JAM2: variants seen among roughly 807,000 people sequenced by gnomAD.
JAM2 encodes the protein junctional adhesion molecule B.
JAM2 carries 17 observed loss-of-function variants against 42.0 expected under a neutral mutation model. The ratio of observed to expected loss-of-function variants is 0.40; its 90% confidence interval spans 0.28 to 0.61. The LOEUF is 0.61. Among genes scored for constraint, JAM2 ranks in the 20% least tolerant of loss-of-function variants. The pLI is 0.37. For missense variants in JAM2, 319 were observed against 358.3 expected, an observed-to-expected ratio of 0.89 and a Z score of 0.89; for synonymous variants, 118 against 128.6, an observed-to-expected ratio of 0.92 and a Z score of 0.56.
intron 5 of JAM2, among the ~76,000 whole-genome samples, chr21:25,699,439 G>A (rs1457792198): frequency 6.6e-6 from 1 of 151,914 alleles, no homozygotes; most frequent in African/African-American, 2.4e-5. Flanking sequence ...TAAAAATTGC[G>A]CGGCCGGGCG....
At chr21:25,697,540 A>G (rs974080407) in intron 4 of JAM2, among the ~76,000 whole-genome samples, 1 of 152,182 alleles carries the variant, frequency 6.6e-6, no homozygotes, top group Non-Finnish European at 1.5e-5. Flanking sequence ...TACCTGGACC[A>G]GGTATTTTCT....
intron 2 of JAM2, among the ~76,000 whole-genome samples, chr21:25,686,307 GT>G (rs1432410035): frequency 6.6e-6 from 1 of 151,914 alleles, no homozygotes; most frequent in Non-Finnish European, 1.5e-5. Context: ...TAATTCTATT[GT>G]ATATGTGTCT....
intron 1 of JAM2, among the ~76,000 whole-genome samples, chr21:25,682,326 T>C (rs1297818411): frequency 1.3e-5 from 2 of 152,248 alleles, no homozygotes; most frequent in East Asian, 1.9e-4. Flanking sequence ...ATTAGAAAGT[T>C]ATATTGATAC....
At chr21:25,688,243 G>GGTGTGTGTGTGTGTGTGTGT (rs147927864) in intron 2 of JAM2, among the ~76,000 whole-genome samples, 1,757 of 149,780 alleles carry the variant, frequency 0.012, 29 homozygotes, top group East Asian at 0.061. Context: ...CACCAGGAGG[G>GGTGTGTGTGTGTGTGTGTGT]GTGTGTGTGT....
chr21:25,655,350 A>ATTTTTTTTTT lies in JAM2; in HGVS notation c.67+15474_67+15483dup, dbSNP rs751257378. On this transcript the variant is annotated intron_variant, in intron 1 of 9. Coordinates refer to ENST00000480456, the MANE Select transcript of JAM2 (RefSeq NM_021219.4). Reference sequence around the variant, plus strand: ...AACATGATAAATATACTGAAATTCTATTTTTTTTTTTTTTTTTTTTTGTCC... The same window carrying ATTTTTTTTTT: ...AACATGATAAATATACTGAAATTCTATTTTTTTTTTTTTTTTTTTTTTTTTTTTTTTGTCC... Among the ~76,000 whole-genome samples the ATTTTTTTTTT allele has an allele frequency of 1.3e-3, 135 of 100,118 alleles. 1 individual carries two copies. Among genetic ancestry groups the ATTTTTTTTTT allele is most frequent in the African/African-American group, 3.4e-3 (87 of 25,784 alleles). 65.7% of individuals were successfully genotyped at this position (100,118 alleles called of 152,430 possible).
chr21:25,649,567 G>A (rs2032713675), intron 1 of JAM2, among the ~76,000 whole-genome samples: 1 of 152,150 alleles, frequency 6.6e-6, no homozygotes, highest in South Asian at 2.1e-4. Flanking sequence ...AGATTTGGGT[G>A]GCGACACAAC....
intron 7 of JAM2, among the ~76,000 whole-genome samples, chr21:25,707,222 C>T (rs1407727307): frequency 6.6e-6 from 1 of 152,028 alleles, no homozygotes; most frequent in African/African-American, 2.4e-5. Flanking sequence ...TGGCTCATGC[C>T]TGTCATCCTA....
chr21:25,689,269 T>G (rs1227764311), intron 2 of JAM2, among the ~76,000 whole-genome samples: 1 of 152,188 alleles, frequency 6.6e-6, no homozygotes, highest in African/African-American at 2.4e-5. Context: ...TGGATAGGTA[T>G]TAATGTATTT....
chr21:25,714,105 G>A (rs2034434897), intron 9 of JAM2: 2 of 1,167,938 alleles, frequency 1.7e-6, no homozygotes, highest in Non-Finnish European at 2.2e-6. Flanking sequence ...GGATTTGTCT[G>A]CCTCTGCCTT....
intron 5 of JAM2, among the ~76,000 whole-genome samples, chr21:25,701,599 G>A (rs1238177468): frequency 2.0e-5 from 3 of 152,130 alleles, no homozygotes; most frequent in Non-Finnish European, 4.4e-5. Flanking sequence ...AGGAGCAAGG[G>A]CTGGCTTTTC....
Position 25,716,101 on chromosome 21 carries a change from A to C in JAM2, c.*1429A>C, listed in dbSNP as rs2123427287. On this transcript the variant is annotated 3_prime_UTR_variant, in exon 10 of 10. Transcript: ENST00000480456. ...TCCCCTCCGCCTCCCAGATTCAAGC[A>C]CTTCTCCTGCCTCAGCCTCCCAAGT... The C allele has an allele frequency of 6.7e-6, 1 of 148,994 alleles. No homozygotes were observed. The highest frequency in any genetic ancestry group is 2.1e-4 in the South Asian group (1 of 4,740). The allele number at this position is 148,994 out of a possible 1,614,324, so 9.2% of individuals were successfully genotyped here.
At chr21:25,674,020 C>T (rs947014699) in intron 1 of JAM2, among the ~76,000 whole-genome samples, 3 of 152,196 alleles carry the variant, frequency 2.0e-5, no homozygotes, top group African/African-American at 4.8e-5. Flanking sequence ...GTAAGATGTG[C>T]CTTTTGCCTT....
At chr21:25,706,638 A>G (rs369562453) in intron 7 of JAM2, among the ~76,000 whole-genome samples, 1 of 152,260 alleles carries the variant, frequency 6.6e-6, no homozygotes, top group South Asian at 2.1e-4. Context: ...AGGGAGCACC[A>G]CAGAATATGC....
intron 4 of JAM2, among the ~76,000 whole-genome samples, chr21:25,695,671 CG>C (rs1568912869): frequency 6.7e-6 from 1 of 149,996 alleles, no homozygotes; most frequent in African/African-American, 2.5e-5. Flanking sequence ...CCAGACGGGG[CG>C]GGGCGGCTGC....
intron 1 of JAM2, among the ~76,000 whole-genome samples, chr21:25,648,197 C>T (rs2032667598): frequency 6.8e-6 from 1 of 147,814 alleles, no homozygotes; most frequent in Non-Finnish European, 1.5e-5. Context: ...GGCAACACAG[C>T]AAGATTCTGT....
intron 5 of JAM2, among the ~76,000 whole-genome samples, chr21:25,701,949 G>C (rs990157232): frequency 2.6e-5 from 4 of 151,032 alleles, no homozygotes; most frequent in Non-Finnish European, 5.9e-5. Flanking sequence ...GAACTTCTCT[G>C]TATGTATTTT....
intron 1 of JAM2, among the ~76,000 whole-genome samples, chr21:25,646,976 G>A (rs1272217640): frequency 6.6e-6 from 1 of 152,138 alleles, no homozygotes; most frequent in Non-Finnish European, 1.5e-5. Context: ...ATTTAGGACG[G>A]GCTTGTCTTT....
At position 25,681,748 on chromosome 21, in the gene JAM2, T is replaced by A. The variant is rs184029860; in HGVS notation, c.68-2135T>A. 4.7e-3 allele frequency among the ~76,000 whole-genome samples: 716 copies of A among 151,938 alleles called. 32 individuals are homozygous for A. Among genetic ancestry groups the A allele is most frequent in the Admixed American group, 0.043 (651 of 15,298 alleles). ...CTGTAATCCCAGCACTTTGGGAGGC[T>A]GAGGTGGGTGGATCAGGAGGTCAGG... On this transcript the variant is annotated intron_variant, in intron 1 of 9. Transcript: ENST00000480456.
At chr21:25,700,879 G>A (rs545909729) in intron 5 of JAM2, among the ~76,000 whole-genome samples, 1 of 152,264 alleles carries the variant, frequency 6.6e-6, no homozygotes, top group East Asian at 1.9e-4. Flanking sequence ...TGAGCAACTG[G>A]GCAGAAAAAC....
Sources: gnomAD v4.1 joint callset for allele counts (sites outside exome capture counted in the v4.1 genomes callset) on GRCh38, gnomAD v4.1.1 for gene constraint, MANE v1.5 for transcripts, NCBI Gene and HGNC (gene_info 2026-07-23, HGNC 2026-07-21) for gene names.